The following ACACA variants were observed in gnomAD, a reference collection of about 807,000 sequenced individuals.
ACACA encodes the protein acetyl-CoA carboxylase alpha.
In ACACA, 103 loss-of-function variants were observed where a neutral mutation model predicts 296.1. The ratio of observed to expected loss-of-function variants is 0.35; its 90% CI spans 0.30 to 0.41. The LOEUF (loss-of-function observed/expected upper bound fraction) is 0.41, where lower values mean the gene tolerates loss of function less well. ACACA is among the 10% of genes least tolerant of loss of function. The pLI is 1.00. For synonymous variants in ACACA, 953 were observed against 1,038.6 expected (o/e 0.92, Z 1.58); for missense variants, 1,554 against 2,989.7 (o/e 0.52, Z 11.20).
At chr17:37,191,405 C>T in intron 37 of ACACA, 130 bp from the exon 38 acceptor site, 1 of 969,624 alleles carries the variant, frequency 1.0e-6, no homozygotes, top group Non-Finnish European at 1.6e-6. Context: ...GTTTATCTTT[C>T]TCCCTAGAGT....
At chr17:37,219,705 A>G (rs942622870) in intron 29 of ACACA, among the ~76,000 whole-genome samples, 1 of 148,400 alleles carries the variant, frequency 6.7e-6, no homozygotes, top group African/African-American at 2.4e-5. Context: ...ATATATATAA[A>G]AAACACATTT....
intron 42 of ACACA, 98 bp downstream of exon 42, chr17:37,161,683 G>A: frequency 7.1e-7 from 1 of 1,407,320 alleles, no homozygotes; most frequent in East Asian, 2.3e-5. Flanking sequence ...ACCATAAGTG[G>A]TGATTTTTGA....
rs191114078 is a variant in ACACA, at chr17:37,194,070, T to G, written c.4159-655A>C. Reference sequence around the variant, plus strand: ...AAAAAAAACCCAATTTACTAGAACCTTATTAATTAACAAAGATGAATTCAA... The same window carrying G: ...AAAAAAAACCCAATTTACTAGAACCGTATTAATTAACAAAGATGAATTCAA... On this transcript the variant is annotated intron_variant, in intron 35 of 55. Coordinates refer to ENST00000616317, the MANE Select transcript of ACACA (RefSeq NM_198834.3). 3.9e-5 allele frequency among the ~76,000 whole-genome samples: 6 copies of G among 152,236 alleles called. No homozygotes were observed. The East Asian group carries it at 9.6e-4, about 24-fold the overall frequency.
At position 37,340,692 on chromosome 17, in the gene ACACA, T is replaced by C. The variant is rs546838349; in HGVS notation, c.39-842A>G. Among the ~76,000 whole-genome samples, 12 of 152,310 alleles carry C rather than the reference T, an allele frequency of 7.9e-5. No homozygotes were observed. The South Asian group carries it at 2.5e-3, about 32-fold the overall frequency. ...TTAGGAATATTAGGATTTATCCAGT[T>C]ATGCAGTCTGAGCTAGTATTATTCC... On this transcript the variant is annotated intron_variant, in intron 1 of 55. Coordinates refer to ENST00000616317, the MANE Select transcript of ACACA (RefSeq NM_198834.3).
chr17:37,381,230 G>C (rs1369360058), intron 1 of ACACA, among the ~76,000 whole-genome samples: 2 of 152,010 alleles, frequency 1.3e-5, no homozygotes, highest in African/African-American at 4.8e-5. Flanking sequence ...CTGTCACCCA[G>C]GCTGGAGCGC....
chr17:37,336,319 C>T (rs1256081232), intron 2 of ACACA, among the ~76,000 whole-genome samples: 2 of 152,046 alleles, frequency 1.3e-5, no homozygotes, highest in Admixed American at 6.6e-5. Context: ...GCCAACCTCC[C>T]CAACAGCAGT....
chr17:37,186,405 T>C (rs1255030091), intron 39 of ACACA, among the ~76,000 whole-genome samples: 2 of 152,232 alleles, frequency 1.3e-5, no homozygotes, highest in South Asian at 2.1e-4. Flanking sequence ...TTTATACGCA[T>C]AGTGCCTGAC....
In ACACA at chr17:37,248,658, C is replaced by T; in HGVS notation, c.2098G>A (p.Ala700Thr). Residue 700 changes from alanine to threonine, a missense_variant, in exon 17 of 56, where the codon GCT becomes ACT. By Grantham distance (58) the Ala-to-Thr change is moderately conservative. Around this residue, in one of 16 missense-constraint regions of ACACA, gnomAD observed 316 missense variants for 540.9 expected, o/e 0.58. Transcript: ENST00000616317. Reference sequence around the variant, plus strand: ...TCTACTGTATTCAGAAGTGTATGAGCAGGAAGGACTTGACCCCTGAAAGAA... The same window carrying T: ...TCTACTGTATTCAGAAGTGTATGAGTAGGAAGGACTTGACCCCTGAAAGAA... ...HSLERGQVLP[A>T]HTLLNTVDVE... 1.2e-6 allele frequency: 2 copies of T among 1,610,330 alleles called. No homozygotes were observed.
intron 1 of ACACA, among the ~76,000 whole-genome samples, chr17:37,354,803 C>T (rs1021685251): frequency 6.6e-6 from 1 of 152,098 alleles, no homozygotes; most frequent in African/African-American, 2.4e-5. Context: ...CAGTGGTGTA[C>T]ACCTGCAGTC....
intron 42 of ACACA, among the ~76,000 whole-genome samples, chr17:37,157,873 G>T (rs1192647130): frequency 3.9e-5 from 6 of 152,238 alleles, no homozygotes; most frequent in Middle Eastern, 3.4e-3. Flanking sequence ...AACAGACCTT[G>T]GGTGGGGCTG....
chr17:37,134,013 C>A (rs1221346787), intron 45 of ACACA, among the ~76,000 whole-genome samples: 1 of 152,208 alleles, frequency 6.6e-6, no homozygotes, highest in Non-Finnish European at 1.5e-5. Context: ...GTACTTCATT[C>A]ATTGCAGCCG....
At chr17:37,200,329 T>G in intron 34 of ACACA, 98 bp downstream of exon 34, 1 of 1,388,854 alleles carries the variant, frequency 7.2e-7, no homozygotes, top group Non-Finnish European at 1.0e-6. Flanking sequence ...TTTCTCTGCA[T>G]AAATCCTATT....
At chr17:37,102,249 G>A (rs1316845341) in intron 52 of ACACA, among the ~76,000 whole-genome samples, 12 of 136,210 alleles carry the variant, frequency 8.8e-5, no homozygotes, top group African/African-American at 3.4e-4. Context: ...CTGTCGCCCA[G>A]GCTGGAGTGC....
chr17:37,188,568 G>GT (rs921162023), intron 38 of ACACA, 88 bp from the exon 39 acceptor site: 4 of 1,413,262 alleles, frequency 2.8e-6, no homozygotes, highest in Non-Finnish European at 3.0e-6. Context: ...GAAAGAAGGG[G>GT]TAAAAAAAAA....
chr17:37,120,405 AC>A (rs2074473382), intron 50 of ACACA, among the ~76,000 whole-genome samples: 2 of 152,096 alleles, frequency 1.3e-5, no homozygotes, highest in South Asian at 4.1e-4. Flanking sequence ...AGCTGGGACT[AC>A]AAGCGCCCAC....
intron 3 of ACACA, among the ~76,000 whole-genome samples, chr17:37,329,530 A>G (rs954066334): frequency 4.6e-5 from 7 of 151,772 alleles, no homozygotes; most frequent in African/African-American, 1.7e-4. Flanking sequence ...AGTCCCAGCT[A>G]TTCAGGAGGC....
intron 26 of ACACA, chr17:37,225,568 C>T (rs187148984): frequency 4.1e-4 from 78 of 189,258 alleles, no homozygotes; most frequent in African/African-American, 1.8e-3. Context: ...AGGTACTCGG[C>T]ACCAAGGAGA....
In ACACA at chr17:37,322,820, T is replaced by C. The variant is rs568147331; in HGVS notation, c.338+7353A>G. 8.1e-4 allele frequency among the ~76,000 whole-genome samples: 124 copies of C among 152,318 alleles called. 2 individuals are homozygous for C. The South Asian group carries it at 0.024, about 30-fold the overall frequency. The stretch of plus-strand genomic sequence containing the variant: ...AGAAGAGTCCGGCCTCCAGGAGCCC[T>C]GATTCCTGGGGAAGACCACCTCCCT... On this transcript the variant is annotated intron_variant, in intron 3 of 55. Transcript: ENST00000616317.
intron 41 of ACACA, among the ~76,000 whole-genome samples, chr17:37,165,816 C>T (rs2144551175): frequency 6.6e-6 from 1 of 152,066 alleles, no homozygotes; most frequent in East Asian, 1.9e-4. Flanking sequence ...ACTGGGACTA[C>T]AGGCATGTGC....
Sources: allele counts gnomAD v4.1 joint callset (sites outside exome capture counted in the v4.1 genomes callset), GRCh38; gene constraint gnomAD v4.1.1; regional missense constraint gnomAD v4.1.1; transcripts MANE v1.5; gene names NCBI Gene and HGNC (gene_info 2026-07-23, HGNC 2026-07-21).